UMPS: variants seen among roughly 807,000 people sequenced by gnomAD.
UMPS encodes the protein uridine monophosphate synthetase.
In UMPS, 21 loss-of-function variants were observed where a neutral mutation model predicts 38.9. That is an observed-to-expected ratio of 0.54 (90% confidence interval 0.38 to 0.78). The LOEUF (loss-of-function observed/expected upper bound fraction) is 0.78. Among genes scored for constraint, UMPS ranks in the 30% least tolerant of loss-of-function variants. UMPS has a pLI of 0.00. For synonymous variants in UMPS, 208 were observed against 219.3 expected (o/e 0.95, Z 0.45); for missense variants, 533 against 591.6 (o/e 0.90, Z 1.03).
intron 4 of UMPS, among the ~76,000 whole-genome samples, chr3:124,741,085 T>A (rs1259096874): frequency 2.0e-5 from 3 of 152,216 alleles, no homozygotes; most frequent in Non-Finnish European, 4.4e-5. Flanking sequence ...TTTGGAGACT[T>A]AACTCATATG....
chr3:124,730,859 C>A (rs1323481194), intron 1 of UMPS, among the ~76,000 whole-genome samples: 2 of 152,126 alleles, frequency 1.3e-5, no homozygotes, highest in Non-Finnish European at 2.9e-5. Flanking sequence ...TTGCAAAAGT[C>A]GGGAAACCCA....
Position 124,737,897 on chromosome 3 carries a change from T to A in UMPS, c.640T>A (p.Ser214Thr), listed in dbSNP as rs2063528780. 1 of 1,614,072 alleles carries A rather than the reference T, an allele frequency of 6.2e-7. No homozygotes were observed. Among genetic ancestry groups the A allele is most frequent in the Non-Finnish European group, 8.5e-7 (1 of 1,180,032 alleles). The part of the protein sequence containing the change: ...NVFVAANHNG[S>T]PLSIKEAPKE... ...CTTTGTGGCAGCGAATCATAATGGT[T>A]CTCCCCTTTCTATAAAGGAAGCACC... Residue 214 changes from serine to threonine, a missense_variant, in exon 3 of 6, where the codon TCT becomes ACT. By Grantham distance (58) the Ser-to-Thr change is moderately conservative. Coordinates refer to ENST00000232607, the MANE Select transcript of UMPS (RefSeq NM_000373.4).
In UMPS at chr3:124,747,013, T is replaced by TTTTG. The variant is rs10631393; in HGVS notation, c.*2938_*2941dup. 84,083 of 453,494 alleles carry TTTTG rather than the reference T, an allele frequency of 0.19. 8,599 individuals are homozygous for TTTTG. Among genetic ancestry groups the TTTTG allele is most frequent in the Admixed American group, 0.29 (12,405 of 42,514 alleles). 28.1% of individuals were successfully genotyped at this position (453,494 alleles called of 1,614,324 possible). On this transcript the variant is annotated 3_prime_UTR_variant, in exon 6 of 6. Coordinates refer to ENST00000232607, the MANE Select transcript of UMPS (RefSeq NM_000373.4). The stretch of plus-strand genomic sequence containing the variant: ...GGCCGAGGGCTGGTTTTTTGTTTTG[T>TTTTG]TTTGTTTGTTTGATACAGGGTCTTC...
At chr3:124,736,440 G>A (rs527848650) in intron 2 of UMPS, among the ~76,000 whole-genome samples, 1 of 151,718 alleles carries the variant, frequency 6.6e-6, no homozygotes, top group Non-Finnish European at 1.5e-5. Context: ...GAGTTTTTGT[G>A]GCGTAAGGGC....
At chr3:124,734,411 T>G (rs1308122981) in intron 1 of UMPS, among the ~76,000 whole-genome samples, 2 of 152,214 alleles carry the variant, frequency 1.3e-5, no homozygotes, top group Admixed American at 1.3e-4. Context: ...TCAGGATATA[T>G]AACTAAAAGA....
In UMPS at chr3:124,748,939, G is replaced by A. The variant is rs1228271177; in HGVS notation, c.*4855G>A. 1 of 452,726 alleles carries A rather than the reference G, an allele frequency of 2.2e-6. No homozygotes were observed. The highest frequency in any genetic ancestry group is 4.4e-6 in the Non-Finnish European group (1 of 225,744). The allele number at this position is 452,726 out of a possible 1,614,324, so 28.0% of individuals were successfully genotyped here. ...ATCGTCAGGTAAGGACAGTCAGTGG[G>A]AAGTGGACGGGCCGCACAACCAAGG... is the stretch of plus-strand genomic sequence containing the variant. On this transcript the variant is annotated 3_prime_UTR_variant, in exon 6 of 6. Transcript: ENST00000232607.
Position 124,748,023 on chromosome 3 carries a change from C to G in UMPS, c.*3939C>G, listed in dbSNP as rs1383277330. 2.2e-6 allele frequency: 1 copy of G among 446,822 alleles called. No homozygotes were observed. Among genetic ancestry groups the G allele is most frequent in the Non-Finnish European group, 4.5e-6 (1 of 223,234 alleles). 27.7% of individuals were successfully genotyped at this position (446,822 alleles called of 1,614,324 possible). ...TTTTGAAGGAATCTGATACTAAACACAAAGCATGAGAAAAATCAGGACTTG... is the reference window on the plus strand; with the variant it reads ...TTTTGAAGGAATCTGATACTAAACAGAAAGCATGAGAAAAATCAGGACTTG... On this transcript the variant is annotated 3_prime_UTR_variant, in exon 6 of 6. Coordinates refer to ENST00000232607, the MANE Select transcript of UMPS (RefSeq NM_000373.4).
At chr3:124,739,311 A>G (rs1307458639) in intron 3 of UMPS, among the ~76,000 whole-genome samples, 1 of 152,212 alleles carries the variant, frequency 6.6e-6, no homozygotes, top group African/African-American at 2.4e-5. Context: ...AAAACTTGTC[A>G]TCTTCAAGAA....
At position 124,749,057 on chromosome 3, in the gene UMPS, C is replaced by T. The variant is rs2063626083; in HGVS notation, c.*4973C>T. 3 of 454,082 alleles carry T rather than the reference C, an allele frequency of 6.6e-6. No homozygotes were observed. Among genetic ancestry groups the T allele is most frequent in the Non-Finnish European group, 8.8e-6 (2 of 226,788 alleles). 28.1% of individuals were successfully genotyped at this position (454,082 alleles called of 1,614,324 possible). ...AATGTCCCAACACTGCATTGTCTCC[C>T]TGCACTTAGCAGCCCTGCAGGGTGA... On this transcript the variant is annotated 3_prime_UTR_variant, in exon 6 of 6. Transcript: ENST00000232607.
intron 3 of UMPS, among the ~76,000 whole-genome samples, chr3:124,739,424 T>G (rs1335855256): frequency 6.6e-6 from 1 of 152,188 alleles, no homozygotes; most frequent in Non-Finnish European, 1.5e-5. Context: ...CTCCACCTCC[T>G]GGGCTCAAGT....
chr3:124,746,939 A>G lies in UMPS; in HGVS notation c.*2855A>G. 1 of 454,016 alleles carries G rather than the reference A, an allele frequency of 2.2e-6. No individual in the cohort carries two copies. Among genetic ancestry groups the G allele is most frequent in the South Asian group, 1.6e-5 (1 of 64,474 alleles). The allele number at this position is 454,016 out of a possible 1,614,324, so 28.1% of individuals were successfully genotyped here. On this transcript the variant is annotated 3_prime_UTR_variant, in exon 6 of 6. Transcript: ENST00000232607. ...CCAGCCTGTGGATCTCAGTCCCAAC[A>G]CTCACCCTTGTGCTACTGAGTCAGC...
intron 2 of UMPS, among the ~76,000 whole-genome samples, chr3:124,735,876 C>G (rs1336988006): frequency 1.3e-5 from 2 of 152,192 alleles, no homozygotes; most frequent in African/African-American, 4.8e-5. Flanking sequence ...ACTGGAGAGG[C>G]TGAGGCAGGA....
At position 124,746,839 on chromosome 3, in the gene UMPS, T is replaced by C. The variant is rs1023997153; in HGVS notation, c.*2755T>C. 4.4e-6 allele frequency: 2 copies of C among 452,570 alleles called. No individual in the cohort carries two copies. The highest frequency in any genetic ancestry group is 8.8e-6 in the Non-Finnish European group (2 of 226,170). The allele number at this position is 452,570 out of a possible 1,614,324, so 28.0% of individuals were successfully genotyped here. On this transcript the variant is annotated 3_prime_UTR_variant, in exon 6 of 6. Coordinates refer to ENST00000232607, the MANE Select transcript of UMPS (RefSeq NM_000373.4). ...CACTGGAGGAACCTAAGAAACTATT[T>C]GGTGCACTTCCTCTTATTTTAGAGC... is the stretch of plus-strand genomic sequence containing the variant.
chr3:124,730,463 C>G lies in UMPS; in HGVS notation c.-9C>G. 2 of 1,613,970 alleles carry G rather than the reference C, an allele frequency of 1.2e-6. No homozygotes were observed. Among genetic ancestry groups the G allele is most frequent in the African/African-American group, 2.7e-5 (2 of 75,056 alleles). On this transcript the variant is annotated 5_prime_UTR_variant, in exon 1 of 6. Transcript: ENST00000232607. The stretch of plus-strand genomic sequence containing the variant: ...CTGGGAATTTGAAGCAAACAGGCAG[C>G]GCGCGACAATGGCGGTCGCTCGTGC...
rs1349487192 is a variant in UMPS at position 124,746,988 on chromosome 3, GGCCGAGGGC to G, written c.*2905_*2913del. 4 of 453,240 alleles carry G rather than the reference GGCCGAGGGC, an allele frequency of 8.8e-6. No individual in the cohort carries two copies. Among genetic ancestry groups the G allele is most frequent in the Non-Finnish European group, 1.8e-5 (4 of 226,656 alleles). The allele number at this position is 453,240 out of a possible 1,614,324, so 28.1% of individuals were successfully genotyped here. A position where few individuals can be genotyped will look rare whatever the true frequency, so the allele number is the denominator to read the frequency against. Reference sequence around the variant, plus strand: ...GCTCTAAGAAAATCTGCCAAAAGTAGGCCGAGGGCTGGTTTTTTGTTTTGTTTTGTTTGT... The same window carrying G: ...GCTCTAAGAAAATCTGCCAAAAGTAGTGGTTTTTTGTTTTGTTTTGTTTGT... On this transcript the variant is annotated 3_prime_UTR_variant, in exon 6 of 6. Coordinates refer to ENST00000232607, the MANE Select transcript of UMPS (RefSeq NM_000373.4).
Position 124,737,990 on chromosome 3 carries a change from A to G in UMPS, c.733A>G (p.Arg245Gly). 6.2e-7 allele frequency: 1 copy of G among 1,614,180 alleles called. No individual in the cohort carries two copies. The highest frequency in any genetic ancestry group is 8.5e-7 in the Non-Finnish European group (1 of 1,179,996). Reference sequence around the variant, plus strand: ...CCACCCAGTTGCATCGAAGCTTCTCAGGCTTATGCAAAAGAAGGAGACCAA... The same window carrying G: ...CCACCCAGTTGCATCGAAGCTTCTCGGGCTTATGCAAAAGAAGGAGACCAA... ...RIHPVASKLLRLMQKKETNLC... is the reference protein window; with the variant it reads ...RIHPVASKLLGLMQKKETNLC... Residue 245 changes from arginine to glycine, a missense_variant, in exon 3 of 6, where the codon AGG (arginine) becomes GGG (glycine). Physicochemically the swap from Arg to Gly is moderately radical, Grantham distance 125. Transcript: ENST00000232607.
intron 2 of UMPS, 110 bp from the exon 3 acceptor site, chr3:124,737,458 A>T: frequency 2.0e-6 from 2 of 999,534 alleles, no homozygotes; most frequent in South Asian, 2.7e-5. Context: ...TGGTATACAC[A>T]TATACTGTAT....
In UMPS at chr3:124,735,958, C is replaced by T. The variant is rs535705221; in HGVS notation, c.310+712C>T. ...CGCCACTGCACTCCAGCCTGGGCGA[C>T]AAAGTGAGACCCTATTTCAAACAAA... On this transcript the variant is annotated intron_variant, in intron 2 of 5. Transcript: ENST00000232607. Among the ~76,000 whole-genome samples the T allele has an allele frequency of 5.9e-5, 9 of 151,642 alleles. No individual in the cohort carries two copies. In the East Asian group the frequency reaches 1.8e-3, roughly 30 times the overall value.
chr3:124,742,141 A>G lies in UMPS; in HGVS notation c.1159-11A>G. The G allele has an allele frequency of 6.3e-7, 1 of 1,589,654 alleles. No individual in the cohort carries two copies. The highest frequency in any genetic ancestry group is 8.6e-7 in the Non-Finnish European group (1 of 1,158,330). On this transcript the variant is annotated splice_polypyrimidine_tract_variant and intron_variant, in intron 4 of 5. Transcript: ENST00000232607. ...GTTTTCTTATAATATGTCCTATTAC[A>G]TTCCATTTAGGTTAGAATGGCTGAG...
Sources: gnomAD v4.1 joint callset for allele counts (sites outside exome capture counted in the v4.1 genomes callset) on GRCh38, gnomAD v4.1.1 for gene constraint, MANE v1.5 for transcripts, NCBI Gene and HGNC (gene_info 2026-07-23, HGNC 2026-07-21) for gene names.